The following PSD3 variants were observed in gnomAD, a reference collection of about 807,000 sequenced individuals.
The protein encoded by PSD3 is pleckstrin and Sec7 domain containing 3, also known as PH and SEC7 domain-containing protein 3.
In PSD3, 49 loss-of-function variants were observed where a neutral mutation model predicts 105.5. The observed-to-expected ratio is 0.46, with a 90% CI of 0.37 to 0.59. The LOEUF (loss-of-function observed/expected upper bound fraction) is 0.59. Among genes scored for constraint, PSD3 ranks in the 20% least tolerant of loss-of-function variants. The probability of loss-of-function intolerance (pLI) is 0.00; values close to 1 mark genes in which losing one functional copy is unlikely to be tolerated. For synonymous variants in PSD3, 557 were observed against 457.8 expected (o/e 1.22, Z -2.77); for missense variants, 1,561 against 1,263.8 (o/e 1.24, Z -3.57).
At chr8:18,683,613 C>A (rs1203883381) in intron 9 of PSD3, among the ~76,000 whole-genome samples, 1 of 152,156 alleles carries the variant, frequency 6.6e-6, no homozygotes, top group African/African-American at 2.4e-5. Flanking sequence ...GAGTTCAGGT[C>A]CCATCCGTTT....
chr8:19,055,443 G>A (rs1168289332), intron 1 of PSD3, among the ~76,000 whole-genome samples: 1 of 152,142 alleles, frequency 6.6e-6, no homozygotes, highest in Non-Finnish European at 1.5e-5. Context: ...AGTAGAGATG[G>A]CATTTCACCA....
intron 7 of PSD3, chr8:18,801,021 T>C (rs1314563030): frequency 6.9e-6 from 2 of 289,128 alleles, no homozygotes; most frequent in Non-Finnish European, 1.3e-5. Flanking sequence ...CCTTAAATAT[T>C]ATGCTTTTAA....
intron 2 of PSD3, among the ~76,000 whole-genome samples, chr8:18,912,231 ATT>A (rs1820272229): frequency 6.6e-6 from 1 of 152,208 alleles, no homozygotes; most frequent in Non-Finnish European, 1.5e-5. Flanking sequence ...CACCACTGGG[ATT>A]TTGACAAACC....
At chr8:19,064,442 C>G (rs1829006568) in intron 1 of PSD3, among the ~76,000 whole-genome samples, 1 of 152,032 alleles carries the variant, frequency 6.6e-6, no homozygotes. Flanking sequence ...TATTTTGATA[C>G]AAGCATACGA....
At chr8:18,897,630 A>T (rs1335207719) in intron 2 of PSD3, among the ~76,000 whole-genome samples, 3 of 152,184 alleles carry the variant, frequency 2.0e-5, no homozygotes, top group African/African-American at 4.8e-5. Flanking sequence ...CTCCCAATTC[A>T]TGAAAATGCA....
intron 1 of PSD3, among the ~76,000 whole-genome samples, chr8:19,048,039 A>G (rs529683803): frequency 6.6e-6 from 1 of 152,206 alleles, no homozygotes; most frequent in East Asian, 1.9e-4. Flanking sequence ...GCTCGCCCAA[A>G]CCTAGAAACA....
chr8:19,073,621 G>A (rs1213586570), intron 1 of PSD3, among the ~76,000 whole-genome samples: 1 of 145,946 alleles, frequency 6.9e-6, no homozygotes, highest in African/African-American at 2.5e-5. Context: ...TCTTGTCTGA[G>A]AGGGAAAAAG....
At chr8:19,049,154 A>G (rs1459083908) in intron 1 of PSD3, among the ~76,000 whole-genome samples, 1 of 152,148 alleles carries the variant, frequency 6.6e-6, no homozygotes, top group East Asian at 1.9e-4. Flanking sequence ...ATCGCCAAAT[A>G]CAGTCACATT....
At chr8:19,009,124 C>A (rs565604277) in intron 1 of PSD3, among the ~76,000 whole-genome samples, 1 of 152,182 alleles carries the variant, frequency 6.6e-6, no homozygotes, top group Non-Finnish European at 1.5e-5. Flanking sequence ...CTACAGAGAT[C>A]CTTTTAGACA....
At chr8:18,886,108 T>A (rs375776448) in intron 2 of PSD3, among the ~76,000 whole-genome samples, 32 of 152,248 alleles carry the variant, frequency 2.1e-4, no homozygotes, top group African/African-American at 7.5e-4. Flanking sequence ...GTAGCCTGTT[T>A]TCTCTCTTTC....
intron 2 of PSD3, among the ~76,000 whole-genome samples, chr8:18,891,086 A>G (rs535820585): frequency 2.0e-5 from 3 of 152,328 alleles, no homozygotes; most frequent in Non-Finnish European, 2.9e-5. Flanking sequence ...AATGCTTGCT[A>G]CATCACACAC....
At chr8:18,707,762 T>C (rs1023852674) in intron 9 of PSD3, among the ~76,000 whole-genome samples, 1 of 152,202 alleles carries the variant, frequency 6.6e-6, no homozygotes, top group Non-Finnish European at 1.5e-5. Flanking sequence ...GAAATTCTTA[T>C]ACTTCTTCCC....
At chr8:18,842,353 C>A (rs574112333) in intron 4 of PSD3, among the ~76,000 whole-genome samples, 3 of 152,188 alleles carry the variant, frequency 2.0e-5, no homozygotes, top group African/African-American at 7.2e-5. Context: ...CATAAAAATG[C>A]TCTCATAAGG....
intron 12 of PSD3, among the ~76,000 whole-genome samples, chr8:18,581,279 A>G (rs899125954): frequency 2.6e-5 from 4 of 152,196 alleles, no homozygotes; most frequent in Non-Finnish European, 5.9e-5. Context: ...TTAGTATTAT[A>G]TTAAAATAAT....
intron 4 of PSD3, among the ~76,000 whole-genome samples, chr8:18,858,161 A>T (rs75090928): frequency 0.028 from 4,327 of 152,314 alleles, 103 homozygotes; most frequent in Non-Finnish European, 0.042. Flanking sequence ...GCTGCAATAA[A>T]GCAAATATCA....
chr8:18,575,462 G>A (rs1802411101), intron 12 of PSD3, among the ~76,000 whole-genome samples, 177 bp from the exon 13 acceptor site: 1 of 152,164 alleles, frequency 6.6e-6, no homozygotes, highest in African/African-American at 2.4e-5. Context: ...TATGTTGTTT[G>A]AAAAATTTGC....
intron 4 of PSD3, among the ~76,000 whole-genome samples, chr8:18,843,143 G>A (rs1193476800): frequency 6.6e-6 from 1 of 151,958 alleles, no homozygotes; most frequent in Admixed American, 6.5e-5. Context: ...GGCGGATCAC[G>A]AGGTCAGGCG....
At chr8:18,682,374 C>T (rs1486944885) in intron 9 of PSD3, among the ~76,000 whole-genome samples, 2 of 152,200 alleles carry the variant, frequency 1.3e-5, no homozygotes, top group African/African-American at 2.4e-5. Context: ...TACATACATG[C>T]TCACATACAT....
intron 15 of PSD3, among the ~76,000 whole-genome samples, chr8:18,549,535 G>T (rs1193642899): frequency 1.3e-5 from 2 of 152,116 alleles, no homozygotes; most frequent in Non-Finnish European, 2.9e-5. Context: ...TAATCTAATG[G>T]TGTGCTAAAA....
Sources: allele counts gnomAD v4.1 joint callset (sites outside exome capture counted in the v4.1 genomes callset), GRCh38; gene constraint gnomAD v4.1.1; transcripts MANE v1.5; gene names NCBI Gene and HGNC (gene_info 2026-07-23, HGNC 2026-07-21).